SLC25A37: variants seen among roughly 807,000 people sequenced by gnomAD.
SLC25A37 encodes solute carrier family 25 member 37.
SLC25A37 carries 17 observed loss-of-function variants against 31.0 expected under a neutral mutation model. The observed-to-expected ratio is 0.55, with a 90% CI of 0.38 to 0.82. SLC25A37 has a LOEUF of 0.82. SLC25A37 is among the 40% of genes least tolerant of loss of function. SLC25A37 has a pLI of 0.00. For missense variants in SLC25A37, 404 were observed against 465.8 expected, an observed-to-expected ratio of 0.87 and a Z score of 1.22; for synonymous variants, 222 against 193.0, an observed-to-expected ratio of 1.15 and a Z score of -1.24.
intron 1 of SLC25A37, among the ~76,000 whole-genome samples, chr8:23,563,971 AC>A (rs1249310476): frequency 1.3e-5 from 2 of 152,000 alleles, no homozygotes; most frequent in African/African-American, 2.4e-5. Context: ...ACAGTGTGAG[AC>A]TCCGTGTCAA....
intron 1 of SLC25A37, among the ~76,000 whole-genome samples, chr8:23,535,966 C>T (rs1184559708): frequency 3.9e-5 from 6 of 152,216 alleles, no homozygotes; most frequent in East Asian, 3.9e-4. Context: ...TGAGTGGGGA[C>T]GCAGCCAAAC....
At chr8:23,549,656 A>G (rs80016873) in intron 1 of SLC25A37, among the ~76,000 whole-genome samples, 2,165 of 152,282 alleles carry the variant, frequency 0.014, 60 homozygotes, top group African/African-American at 0.05. Context: ...TGGAGAAAGA[A>G]CATCCCTTCG....
chr8:23,573,640 A>AT lies in SLC25A37; in HGVS notation c.*1789dup. ...ATGCACACAGTGCCTTGGGGAGTAG[A>AT]TTTTGCCCTAATAGCGATGAAGAAT... On this transcript the variant is annotated 3_prime_UTR_variant, in exon 4 of 4. Transcript: ENST00000519973. 1 of 377,484 alleles carries AT rather than the reference A, an allele frequency of 2.6e-6. No homozygotes were observed. The highest frequency in any genetic ancestry group is 3.0e-5 in the Admixed American group (1 of 33,598). 23.4% of individuals were successfully genotyped at this position (377,484 alleles called of 1,614,324 possible).
At chr8:23,559,364 C>CGTGTGTGT (rs1554499347) in intron 1 of SLC25A37, among the ~76,000 whole-genome samples, 3,004 of 151,586 alleles carry the variant, frequency 0.02, 47 homozygotes, top group East Asian at 0.067. Context: ...CGTGTGTGTG[C>CGTGTGTGT]GCGCGCGCGT....
chr8:23,566,504 A>C, intron 2 of SLC25A37, 168 bp downstream of exon 2: 1 of 1,400,144 alleles, frequency 7.1e-7, no homozygotes, highest in Non-Finnish European at 9.2e-7. Context: ...GCACGCACAC[A>C]CACGCGCGCG....
At chr8:23,532,364 G>C (rs1801678040) in intron 1 of SLC25A37, among the ~76,000 whole-genome samples, 1 of 152,214 alleles carries the variant, frequency 6.6e-6, no homozygotes, top group Admixed American at 6.5e-5. Flanking sequence ...ACTTACTCCT[G>C]TCTAGGCGGG....
intron 1 of SLC25A37, among the ~76,000 whole-genome samples, chr8:23,555,142 C>T (rs188280666): frequency 9.2e-5 from 14 of 152,276 alleles, no homozygotes; most frequent in Middle Eastern, 3.4e-3. Flanking sequence ...GACCTTCCGG[C>T]CACAGGTCCT....
At chr8:23,539,172 G>A (rs377387660) in intron 1 of SLC25A37, among the ~76,000 whole-genome samples, 1 of 152,230 alleles carries the variant, frequency 6.6e-6, no homozygotes. Flanking sequence ...TGTTGAAATA[G>A]GGAGAAATCC....
At chr8:23,536,619 G>A (rs1801774615) in intron 1 of SLC25A37, among the ~76,000 whole-genome samples, 1 of 152,134 alleles carries the variant, frequency 6.6e-6, no homozygotes, top group African/African-American at 2.4e-5. Flanking sequence ...CAGACTTTCT[G>A]GAGCTGAATC....
In SLC25A37 at chr8:23,573,008, A is replaced by G. The variant is rs1802902365; in HGVS notation, c.*1153A>G. The stretch of plus-strand genomic sequence containing the variant: ...TCAGGCACTTCAGGTAACGTGATCT[A>G]TGTGTGTTTTGACTGAATCTCATCT... On this transcript the variant is annotated 3_prime_UTR_variant, in exon 4 of 4. Coordinates refer to ENST00000519973, the MANE Select transcript of SLC25A37 (RefSeq NM_016612.4). The G allele has an allele frequency of 6.6e-6, 1 of 152,226 alleles. No individual in the cohort carries two copies. The allele number at this position is 152,226 out of a possible 1,614,324, so 9.4% of individuals were successfully genotyped here. A position where few individuals can be genotyped will look rare whatever the true frequency, so the allele number is the denominator to read the frequency against.
Position 23,573,739 on chromosome 8 carries a change from C to G in SLC25A37, c.*1884C>G. 2.2e-6 allele frequency: 1 copy of G among 448,522 alleles called. No individual in the cohort carries two copies. Among genetic ancestry groups the G allele is most frequent in the Non-Finnish European group, 4.5e-6 (1 of 220,450 alleles). The allele number at this position is 448,522 out of a possible 1,614,324, so 27.8% of individuals were successfully genotyped here. ...CAAACTGGGTACCTCCCACGTGTGC[C>G]CCGTGAACAGCCCTTTGCAGCTGGG... On this transcript the variant is annotated 3_prime_UTR_variant, in exon 4 of 4. Coordinates refer to ENST00000519973, the MANE Select transcript of SLC25A37 (RefSeq NM_016612.4).
Position 23,541,181 on chromosome 8 carries a change from A to G in SLC25A37, c.210+11969A>G, listed in dbSNP as rs74910595. Among the ~76,000 whole-genome samples, 507 of 152,148 alleles carry G rather than the reference A, an allele frequency of 3.3e-3. 4 individuals carry two copies. Among genetic ancestry groups the G allele is most frequent in the African/African-American group, 0.012 (483 of 41,404 alleles). ...CGTGGTAATGTAGACAGGGGATAGT[A>G]GTGGCTGCGTGTAGCAGAAACCAGC... is the stretch of plus-strand genomic sequence containing the variant. On this transcript the variant is annotated intron_variant, in intron 1 of 3. Transcript: ENST00000519973.
intron 1 of SLC25A37, among the ~76,000 whole-genome samples, chr8:23,535,013 C>A (rs1028479943): frequency 6.6e-6 from 1 of 152,192 alleles, no homozygotes; most frequent in Non-Finnish European, 1.5e-5. Flanking sequence ...TTCCTTACAC[C>A]TCTGAGTCAA....
At chr8:23,543,842 G>T (rs200485345) in intron 1 of SLC25A37, among the ~76,000 whole-genome samples, 56,731 of 151,602 alleles carry the variant, frequency 0.37, 12,256 homozygotes, top group East Asian at 0.61. Context: ...AGCAAAAAAC[G>T]ATGTGGTATT....
At chr8:23,538,172 G>A (rs554734238) in intron 1 of SLC25A37, among the ~76,000 whole-genome samples, 35 of 152,082 alleles carry the variant, frequency 2.3e-4, no homozygotes, top group African/African-American at 7.2e-4. Context: ...CCTGAGGTCA[G>A]GAGTTTGAGA....
intron 2 of SLC25A37, 100 bp downstream of exon 2, chr8:23,566,436 C>T: frequency 6.7e-7 from 1 of 1,497,442 alleles, no homozygotes; most frequent in African/African-American, 1.4e-5. Flanking sequence ...CGACTTCGGC[C>T]CGCTTGCTCA....
chr8:23,534,491 C>A (rs1801724610), intron 1 of SLC25A37, among the ~76,000 whole-genome samples: 1 of 152,282 alleles, frequency 6.6e-6, no homozygotes, highest in South Asian at 2.1e-4. Flanking sequence ...TTTCCCACTT[C>A]TCTCATTTTT....
chr8:23,542,993 CAA>C (rs1278305226), intron 1 of SLC25A37: 6 of 152,018 alleles, frequency 3.9e-5, no homozygotes, highest in Non-Finnish European at 8.8e-5. Flanking sequence ...AGTGTTATTA[CAA>C]GAGTCAAAAA....
At chr8:23,562,958 C>T (rs74533195) in intron 1 of SLC25A37, among the ~76,000 whole-genome samples, 7,277 of 152,242 alleles carry the variant, frequency 0.048, 202 homozygotes, top group South Asian at 0.059. Flanking sequence ...AAAACTTGAG[C>T]GATTTCATAT....
Sources: allele counts gnomAD v4.1 joint callset (sites outside exome capture counted in the v4.1 genomes callset), GRCh38; gene constraint gnomAD v4.1.1; transcripts MANE v1.5; gene names NCBI Gene and HGNC (gene_info 2026-07-23, HGNC 2026-07-21).